Variants in ARHGAP10 observed in about 807,000 individuals in gnomAD.
ARHGAP10 encodes the protein rho GTPase-activating protein 10.
In ARHGAP10, 87 loss-of-function variants were observed where a neutral mutation model predicts 108.6. The ratio of observed to expected loss-of-function variants is 0.80; its 90% CI spans 0.67 to 0.96. The LOEUF (loss-of-function observed/expected upper bound fraction) is 0.96. Ranked by LOEUF, ARHGAP10 falls within the 40% of genes least tolerant of loss-of-function variation. The probability of loss-of-function intolerance (pLI) is 0.00; values close to 1 mark genes in which losing one functional copy is unlikely to be tolerated. For synonymous variants in ARHGAP10, 347 were observed against 341.1 expected, an observed-to-expected ratio of 1.02 and a Z score of -0.19; for missense variants, 939 against 954.5, an observed-to-expected ratio of 0.98 and a Z score of 0.21.
intron 1 of ARHGAP10, among the ~76,000 whole-genome samples, chr4:147,773,696 A>C (rs1730169102): frequency 6.6e-6 from 1 of 152,220 alleles, no homozygotes; most frequent in South Asian, 2.1e-4. Flanking sequence ...CACTCTGTGT[A>C]CCAAAAGCCT....
chr4:147,987,671 A>T (rs1560860794), intron 18 of ARHGAP10, among the ~76,000 whole-genome samples: 1 of 152,140 alleles, frequency 6.6e-6, no homozygotes, highest in Non-Finnish European at 1.5e-5. Flanking sequence ...GAGAATTAGG[A>T]TTTGGGGAGA....
At chr4:147,738,166 G>T (rs1728494640) in intron 1 of ARHGAP10, among the ~76,000 whole-genome samples, 1 of 152,064 alleles carries the variant, frequency 6.6e-6, no homozygotes, top group African/African-American at 2.4e-5. Context: ...TACTAGCCTG[G>T]CTGGGTTCAT....
intron 19 of ARHGAP10, among the ~76,000 whole-genome samples, chr4:148,029,157 A>G (rs1466463797): frequency 6.6e-6 from 1 of 152,254 alleles, no homozygotes; most frequent in Admixed American, 6.5e-5. Context: ...AATAGTAAAT[A>G]GTTACTAAAA....
chr4:148,008,222 TC>T (rs1741025349), intron 18 of ARHGAP10, among the ~76,000 whole-genome samples: 1 of 152,164 alleles, frequency 6.6e-6, no homozygotes, highest in Non-Finnish European at 1.5e-5. Flanking sequence ...ATTACTGGTC[TC>T]TTTGTTTCCA....
chr4:148,012,505 G>C (rs963733728), intron 18 of ARHGAP10, among the ~76,000 whole-genome samples: 4 of 152,218 alleles, frequency 2.6e-5, no homozygotes, highest in Non-Finnish European at 4.4e-5. Flanking sequence ...ACAGGAGTGA[G>C]AGGGGGAACA....
At chr4:147,971,537 A>T (rs1739405831) in intron 18 of ARHGAP10, among the ~76,000 whole-genome samples, 1 of 152,194 alleles carries the variant, frequency 6.6e-6, no homozygotes, top group Non-Finnish European at 1.5e-5. Context: ...AAGTGTTTTG[A>T]ATCAGTTTTA....
chr4:148,043,653 T>TATATA (rs1728741025), intron 19 of ARHGAP10, among the ~76,000 whole-genome samples: 1 of 58,374 alleles, frequency 1.7e-5, no homozygotes, highest in African/African-American at 5.3e-5. Context: ...ATATATATAT[T>TATATA]TTAGGTGTAT....
At chr4:147,732,604 C>A in intron 1 of ARHGAP10, 149 bp downstream of exon 1, 1 of 1,116,832 alleles carries the variant, frequency 9.0e-7, no homozygotes, top group Non-Finnish European at 1.2e-6. Context: ...CTCTCGGAAC[C>A]CCGGGGGGTC....
chr4:147,973,044 C>A (rs181111083), intron 18 of ARHGAP10, among the ~76,000 whole-genome samples: 1 of 152,112 alleles, frequency 6.6e-6, no homozygotes, highest in Non-Finnish European at 1.5e-5. Context: ...CATGAGCCAC[C>A]GTGACTGGCC....
intron 1 of ARHGAP10, among the ~76,000 whole-genome samples, chr4:147,815,698 AAT>A (rs1410058844): frequency 7.2e-6 from 1 of 139,850 alleles, no homozygotes; most frequent in African/African-American, 2.7e-5. Context: ...CTCTACAAAA[AAT>A]AAAAAAATAG....
At chr4:147,971,104 A>G (rs972665120) in intron 18 of ARHGAP10, among the ~76,000 whole-genome samples, 1 of 151,802 alleles carries the variant, frequency 6.6e-6, no homozygotes, top group African/African-American at 2.4e-5. Flanking sequence ...AAAAAAAAAA[A>G]AAAAAAAAAA....
intron 3 of ARHGAP10, among the ~76,000 whole-genome samples, chr4:147,846,760 A>G (rs377164521): frequency 6.6e-6 from 1 of 152,232 alleles, no homozygotes; most frequent in East Asian, 1.9e-4. Flanking sequence ...ATGTAGTCTG[A>G]TTATCAATAA....
intron 10 of ARHGAP10, among the ~76,000 whole-genome samples, chr4:147,894,026 T>G (rs1374663842): frequency 3.9e-5 from 6 of 152,212 alleles, no homozygotes; most frequent in African/African-American, 1.4e-4. Context: ...TGAAGGATAC[T>G]GGAGCATGGG....
chr4:147,784,300 T>G (rs1470523521), intron 1 of ARHGAP10, among the ~76,000 whole-genome samples: 4 of 137,910 alleles, frequency 2.9e-5, no homozygotes, highest in African/African-American at 1.0e-4. Context: ...ATAATTTACA[T>G]AACATTAAAT....
intron 1 of ARHGAP10, among the ~76,000 whole-genome samples, chr4:147,738,812 A>C (rs1436957029): frequency 6.6e-6 from 1 of 152,162 alleles, no homozygotes; most frequent in East Asian, 1.9e-4. Context: ...CCAGTGACCA[A>C]GAAGAGAGAC....
chr4:148,066,566 A>G (rs1729887511), intron 22 of ARHGAP10, among the ~76,000 whole-genome samples: 1 of 152,272 alleles, frequency 6.6e-6, no homozygotes, highest in East Asian at 1.9e-4. Flanking sequence ...ACGTACACAT[A>G]CATAGTCACA....
chr4:147,854,690 T>C (rs915549461), intron 4 of ARHGAP10: 16 of 983,106 alleles, frequency 1.6e-5, no homozygotes, highest in Non-Finnish European at 1.8e-5. Context: ...AGAAATCATA[T>C]GAGCACAAAG....
intron 13 of ARHGAP10, among the ~76,000 whole-genome samples, chr4:147,928,972 A>C (rs1737567747): frequency 6.6e-6 from 1 of 152,194 alleles, no homozygotes; most frequent in Non-Finnish European, 1.5e-5. Context: ...GAGGCTGAAT[A>C]ACTTGCTAGG....
chr4:147,806,022 T>G (rs963473693), intron 1 of ARHGAP10, among the ~76,000 whole-genome samples: 2 of 152,200 alleles, frequency 1.3e-5, no homozygotes, highest in African/African-American at 4.8e-5. Context: ...AGCCCTTTAT[T>G]ATAATAAAAT....
Sources: allele counts gnomAD v4.1 joint callset (sites outside exome capture counted in the v4.1 genomes callset), GRCh38; gene constraint gnomAD v4.1.1; transcripts MANE v1.5; gene names NCBI Gene and HGNC (gene_info 2026-07-23, HGNC 2026-07-21).